The following CSMD1 variants were observed in gnomAD, a reference collection of about 807,000 sequenced individuals.
CSMD1 encodes the protein CUB and sushi domain-containing protein 1.
In CSMD1, 213 loss-of-function variants were observed where a neutral mutation model predicts 417.5. The observed-to-expected ratio is 0.51, with a 90% confidence interval of 0.46 to 0.57. The LOEUF (loss-of-function observed/expected upper bound fraction) is 0.57, where lower values mean the gene tolerates loss of function less well. Ranked by LOEUF, CSMD1 falls within the 20% of genes least tolerant of loss-of-function variation. CSMD1 has a pLI of 0.00. For synonymous variants in CSMD1, 2,862 were observed against 1,736.8 expected (o/e 1.65, Z -16.11); for missense variants, 6,923 against 4,529.7 (o/e 1.53, Z -15.17).
At chr8:4,244,223 T>C (rs1802563674) in intron 3 of CSMD1, among the ~76,000 whole-genome samples, 1 of 152,068 alleles carries the variant, frequency 6.6e-6, no homozygotes, top group Non-Finnish European at 1.5e-5. Context: ...GCAGCAACAG[T>C]AACAGCTAGG....
chr8:3,745,932 G>A (rs191091300), intron 6 of CSMD1, among the ~76,000 whole-genome samples: 225 of 152,272 alleles, frequency 1.5e-3, no homozygotes, highest in African/African-American at 5.1e-3. Flanking sequence ...GCAGCAGGCC[G>A]GGGGGAAAGG....
intron 5 of CSMD1, among the ~76,000 whole-genome samples, chr8:3,994,479 AGT>A (rs1815047719): frequency 1.3e-5 from 2 of 149,050 alleles, no homozygotes; most frequent in Non-Finnish European, 3.0e-5. Context: ...ACACTTGGCT[AGT>A]CTCACCACTA....
chr8:4,170,514 G>A (rs1009075467), intron 3 of CSMD1, among the ~76,000 whole-genome samples: 2 of 151,874 alleles, frequency 1.3e-5, no homozygotes, highest in South Asian at 4.1e-4. Flanking sequence ...ATGTTATTAA[G>A]TAGAGGTAAA....
At chr8:3,581,085 T>G (rs929691706) in intron 9 of CSMD1, among the ~76,000 whole-genome samples, 2 of 152,292 alleles carry the variant, frequency 1.3e-5, no homozygotes, top group East Asian at 3.9e-4. Flanking sequence ...ACTCAAAATA[T>G]TAACTCTACA....
At chr8:3,408,658 C>A (rs957708747) in intron 13 of CSMD1, among the ~76,000 whole-genome samples, 1 of 151,806 alleles carries the variant, frequency 6.6e-6, no homozygotes, top group African/African-American at 2.4e-5. Context: ...GCATTTTCTC[C>A]AGTAATTTAA....
chr8:4,041,796 C>T (rs933726317), intron 3 of CSMD1, among the ~76,000 whole-genome samples: 1 of 151,906 alleles, frequency 6.6e-6, no homozygotes, highest in Non-Finnish European at 1.5e-5. Context: ...TATTAAAAAA[C>T]AAACAAACAT....
chr8:3,437,218 C>T (rs1222847860), intron 12 of CSMD1, among the ~76,000 whole-genome samples: 1 of 152,154 alleles, frequency 6.6e-6, no homozygotes, highest in East Asian at 1.9e-4. Flanking sequence ...GTCTGTTGCT[C>T]ACTTGATTTG....
At chr8:4,598,089 G>C (rs1268080215) in intron 2 of CSMD1, among the ~76,000 whole-genome samples, 2 of 151,972 alleles carry the variant, frequency 1.3e-5, no homozygotes, top group Non-Finnish European at 2.9e-5. Flanking sequence ...AAAATAAAAA[G>C]CTAGAATAAA....
chr8:4,749,026 A>C (rs1811138161), intron 1 of CSMD1, among the ~76,000 whole-genome samples: 1 of 151,434 alleles, frequency 6.6e-6, no homozygotes, highest in Non-Finnish European at 1.5e-5. Flanking sequence ...ACCAGTTCTG[A>C]CCCAAAACTG....
At chr8:3,966,728 CACAG>C (rs1386720509) in intron 5 of CSMD1, among the ~76,000 whole-genome samples, 15 of 103,844 alleles carry the variant, frequency 1.4e-4, no homozygotes, top group African/African-American at 6.3e-4. Flanking sequence ...CATTCACACA[CACAG>C]ACACACACAC....
chr8:4,793,536 G>C (rs908785151), intron 1 of CSMD1, among the ~76,000 whole-genome samples: 28 of 151,920 alleles, frequency 1.8e-4, no homozygotes, highest in African/African-American at 6.0e-4. Context: ...AGTCATAGCT[G>C]TTCTGCTTGC....
chr8:3,215,880 C>T (rs1002110612), intron 29 of CSMD1, among the ~76,000 whole-genome samples: 16 of 151,634 alleles, frequency 1.1e-4, no homozygotes, highest in African/African-American at 3.6e-4. Context: ...TCAATATTTT[C>T]AATTATATTT....
intron 1 of CSMD1, among the ~76,000 whole-genome samples, chr8:4,747,684 A>G (rs1026161907): frequency 1.3e-5 from 2 of 152,144 alleles, no homozygotes; most frequent in Non-Finnish European, 2.9e-5. Context: ...TTGTGGCACA[A>G]GGCTTTTCCA....
At chr8:3,917,905 A>C (rs1481195817) in intron 5 of CSMD1, among the ~76,000 whole-genome samples, 1 of 152,134 alleles carries the variant, frequency 6.6e-6, no homozygotes, top group African/African-American at 2.4e-5. Context: ...TGAAAATTTA[A>C]AGTTCTCAGT....
In CSMD1 at chr8:4,270,892, C is replaced by A. The variant is rs1470125399; in HGVS notation, c.415+149061G>T. 2.6e-5 allele frequency among the ~76,000 whole-genome samples: 4 copies of A among 152,274 alleles called. No individual in the cohort carries two copies. The East Asian group carries it at 7.7e-4, about 29-fold the overall frequency. On this transcript the variant is annotated intron_variant, in intron 3 of 69. Coordinates refer to ENST00000635120, the MANE Select transcript of CSMD1 (RefSeq NM_033225.6). ...CCCTCTGAGGACCTCATTCCTTCAA[C>A]AAACAACTCAAGGTGCTGATCGCTG... is the stretch of plus-strand genomic sequence containing the variant.
At chr8:4,172,330 G>C (rs778538003) in intron 3 of CSMD1, among the ~76,000 whole-genome samples, 7 of 151,998 alleles carry the variant, frequency 4.6e-5, no homozygotes, top group African/African-American at 7.3e-5. Context: ...GATATGACTA[G>C]TGTCATTGAG....
chr8:3,344,723 A>T (rs1323084145), intron 22 of CSMD1, among the ~76,000 whole-genome samples: 1 of 152,230 alleles, frequency 6.6e-6, no homozygotes, highest in Non-Finnish European at 1.5e-5. Context: ...TATACAGATT[A>T]ATTTTTCTTT....
chr8:3,670,340 G>C (rs1251171209), intron 7 of CSMD1, among the ~76,000 whole-genome samples: 3 of 151,858 alleles, frequency 2.0e-5, no homozygotes, highest in Non-Finnish European at 4.4e-5. Context: ...AAGTTCTTCT[G>C]TTTTGGGACT....
chr8:4,791,780 A>C (rs534193435), intron 1 of CSMD1, among the ~76,000 whole-genome samples: 25 of 152,248 alleles, frequency 1.6e-4, no homozygotes, highest in African/African-American at 5.8e-4. Context: ...TAAACATTTC[A>C]CTTTGAGATT....
Sources: gnomAD v4.1 joint callset for allele counts (sites outside exome capture counted in the v4.1 genomes callset) on GRCh38, gnomAD v4.1.1 for gene constraint, MANE v1.5 for transcripts, NCBI Gene and HGNC (gene_info 2026-07-23, HGNC 2026-07-21) for gene names.